IMPG1: variants seen among roughly 807,000 people sequenced by gnomAD.
IMPG1 encodes interphotoreceptor matrix proteoglycan of 150 kDa.
A neutral mutation model predicts 92.0 loss-of-function variants in IMPG1; 85 were observed. The observed-to-expected ratio is 0.92, with a 90% confidence interval of 0.78 to 1.11. The LOEUF is 1.11. IMPG1 is among the 50% of genes least tolerant of loss of function. The probability of loss-of-function intolerance (pLI) is 0.00; values close to 1 mark genes in which losing one functional copy is unlikely to be tolerated. For synonymous variants in IMPG1, 367 were observed against 334.1 expected, an observed-to-expected ratio of 1.10 and a Z score of -1.08; for missense variants, 1,022 against 956.0, an observed-to-expected ratio of 1.07 and a Z score of -0.91.
intron 1 of IMPG1, among the ~76,000 whole-genome samples, chr6:76,066,908 A>G (rs1040693230): frequency 1.3e-5 from 2 of 152,120 alleles, no homozygotes; most frequent in African/African-American, 2.4e-5. Context: ...ACTCAAAACA[A>G]TGTAAGTACA....
At chr6:76,037,536 G>C (rs757046492) in intron 2 of IMPG1, among the ~76,000 whole-genome samples, 1 of 152,120 alleles carries the variant, frequency 6.6e-6, no homozygotes, top group East Asian at 1.9e-4. Context: ...CCAGCAAGCC[G>C]TCTCTGACCC....
At chr6:75,930,010 A>G (rs1241621331) in intron 15 of IMPG1, among the ~76,000 whole-genome samples, 2 of 152,174 alleles carry the variant, frequency 1.3e-5, no homozygotes, top group Non-Finnish European at 2.9e-5. Flanking sequence ...GTTTGTCTTT[A>G]TTAATACATG....
intron 8 of IMPG1, among the ~76,000 whole-genome samples, chr6:76,009,620 C>T (rs1783151622): frequency 6.6e-6 from 1 of 152,172 alleles, no homozygotes; most frequent in Admixed American, 6.5e-5. Flanking sequence ...TCATGGAAAT[C>T]ACTGGGAAAA....
At chr6:76,025,693 G>A (rs1053232724) in intron 4 of IMPG1, among the ~76,000 whole-genome samples, 6 of 152,166 alleles carry the variant, frequency 3.9e-5, no homozygotes, top group Admixed American at 6.5e-5. Context: ...ATCTAATAAA[G>A]TAACTCTTGT....
At chr6:76,026,400 G>T (rs565528690) in intron 4 of IMPG1, among the ~76,000 whole-genome samples, 1 of 152,290 alleles carries the variant, frequency 6.6e-6, no homozygotes, top group Admixed American at 6.5e-5. Context: ...ACTTCTCAGG[G>T]TGGGGGAAAC....
rs79287216 is a variant in IMPG1 at position 76,001,074 on chromosome 6, C to A, written c.1291+1844G>T. 9.0e-3 allele frequency among the ~76,000 whole-genome samples: 1,377 copies of A among 152,286 alleles called. 20 individuals are homozygous for A. The highest frequency in any genetic ancestry group is 0.031 in the African/African-American group (1,298 of 41,560). ...CATTTGTGAAACACAGAAGCTTAAC[C>A]AAATTATCTCTAAGATTTCTTCCAG... On this transcript the variant is annotated intron_variant, in intron 12 of 16. Coordinates refer to ENST00000369950, the MANE Select transcript of IMPG1 (RefSeq NM_001563.4).
intron 1 of IMPG1, among the ~76,000 whole-genome samples, chr6:76,044,910 C>T (rs191102544): frequency 1.1e-4 from 16 of 152,222 alleles, no homozygotes; most frequent in Admixed American, 5.9e-4. Flanking sequence ...TTTATCCTAT[C>T]GGGGTAGGTG....
intron 12 of IMPG1, among the ~76,000 whole-genome samples, chr6:75,968,965 A>G (rs570786070): frequency 1.3e-5 from 2 of 152,240 alleles, no homozygotes; most frequent in African/African-American, 2.4e-5. Context: ...AAAATGTGGT[A>G]TATATACATA....
At chr6:76,039,971 T>C (rs889110031) in intron 2 of IMPG1, among the ~76,000 whole-genome samples, 4 of 152,340 alleles carry the variant, frequency 2.6e-5, no homozygotes, top group Non-Finnish European at 4.4e-5. Flanking sequence ...GTTTGAAAGA[T>C]GTCAATGGAT....
At chr6:76,068,930 A>G in intron 1 of IMPG1, among the ~76,000 whole-genome samples, 1 of 152,158 alleles carries the variant, frequency 6.6e-6, no homozygotes. Context: ...GAACCAAAAA[A>G]GAGCTCATAT....
At chr6:76,007,588 AC>A in intron 8 of IMPG1, 88 bp from the exon 9 acceptor site, 2 of 868,642 alleles carry the variant, frequency 2.3e-6, no homozygotes, top group Non-Finnish European at 3.5e-6. Flanking sequence ...TATTTTATAT[AC>A]AAAAGAAAAA....
At chr6:75,969,492 A>G (rs1782365949) in intron 12 of IMPG1, among the ~76,000 whole-genome samples, 1 of 152,142 alleles carries the variant, frequency 6.6e-6, no homozygotes, top group Non-Finnish European at 1.5e-5. Context: ...CTGTAATCCT[A>G]GCACTTTGAG....
At chr6:76,033,477 C>G (rs545981611) in intron 4 of IMPG1, among the ~76,000 whole-genome samples, 1 of 152,314 alleles carries the variant, frequency 6.6e-6, no homozygotes, top group South Asian at 2.1e-4. Context: ...AGGAATATTT[C>G]AGACATAAAT....
At chr6:76,024,461 A>G (rs951457834) in intron 5 of IMPG1, among the ~76,000 whole-genome samples, 18 of 152,184 alleles carry the variant, frequency 1.2e-4, no homozygotes, top group African/African-American at 4.3e-4. Context: ...AACATCTAAT[A>G]AACACAGGAG....
intron 15 of IMPG1, among the ~76,000 whole-genome samples, chr6:75,927,729 C>A (rs1781581556): frequency 6.9e-6 from 1 of 145,718 alleles, no homozygotes; most frequent in Admixed American, 6.9e-5. Flanking sequence ...CTCCCTCCCT[C>A]CCTCCCTCCC....
At chr6:75,929,430 A>T (rs1008166634) in intron 15 of IMPG1, among the ~76,000 whole-genome samples, 1 of 151,482 alleles carries the variant, frequency 6.6e-6, no homozygotes, top group Non-Finnish European at 1.5e-5. Flanking sequence ...GATGTTTGTC[A>T]TTCTCAGCAA....
chr6:76,059,764 G>A lies in IMPG1; in HGVS notation c.67+12658C>T, dbSNP rs561877823. On this transcript the variant is annotated intron_variant, in intron 1 of 16. Transcript: ENST00000369950. ...CTTAGGTTTCCAACCATAAATGAAC[G>A]CAAATTAGTTTGAACTTTTATTTAA... Among the ~76,000 whole-genome samples the A allele has an allele frequency of 5.3e-5, 8 of 152,188 alleles. No individual in the cohort carries two copies. In the South Asian group the frequency reaches 1.2e-3, roughly 24 times the overall value.
At chr6:75,954,398 G>A (rs569375839) in intron 12 of IMPG1, among the ~76,000 whole-genome samples, 47 of 152,164 alleles carry the variant, frequency 3.1e-4, no homozygotes, top group Non-Finnish European at 4.7e-4. Context: ...TTTGTTGGCC[G>A]CATAAATGTC....
intron 1 of IMPG1, among the ~76,000 whole-genome samples, chr6:76,046,401 A>G (rs1783944341): frequency 6.6e-6 from 1 of 152,224 alleles, no homozygotes; most frequent in African/African-American, 2.4e-5. Context: ...ATCATTGAAT[A>G]AAGAAAAGAT....
Sources: allele counts gnomAD v4.1 joint callset (sites outside exome capture counted in the v4.1 genomes callset), GRCh38; gene constraint gnomAD v4.1.1; transcripts MANE v1.5; gene names NCBI Gene and HGNC (gene_info 2026-07-23, HGNC 2026-07-21).